Variants in RAB25 observed in about 807,000 individuals in gnomAD.
RAB25 encodes the protein ras-related protein Rab-25.
Under a neutral mutation model 25.2 loss-of-function variants are expected in RAB25, and 23 were observed. That is an observed-to-expected ratio of 0.91 (90% CI 0.66 to 1.29). RAB25 has a LOEUF of 1.29. Among genes scored for constraint, RAB25 ranks in the 50% most tolerant of loss-of-function variants. The pLI is 0.00. For synonymous variants in RAB25, 102 were observed against 111.5 expected, an observed-to-expected ratio of 0.91 and a Z score of 0.54; for missense variants, 244 against 277.3, an observed-to-expected ratio of 0.88 and a Z score of 0.85.
intron 2 of RAB25, among the ~76,000 whole-genome samples, chr1:156,066,965 G>T (rs1188229543): frequency 6.7e-6 from 1 of 149,632 alleles, no homozygotes; most frequent in Non-Finnish European, 1.5e-5. Context: ...GCTGGGCGCG[G>T]TAGCTCACAC....
intron 2 of RAB25, among the ~76,000 whole-genome samples, chr1:156,067,241 A>AG: frequency 1.3e-5 from 2 of 151,860 alleles, no homozygotes; most frequent in African/African-American, 4.8e-5. Context: ...CAAAAAAAAA[A>AG]AAAAAAGAAA....
intron 1 of RAB25, among the ~76,000 whole-genome samples, chr1:156,061,887 C>T (rs1167908213): frequency 6.6e-6 from 1 of 152,124 alleles, no homozygotes; most frequent in South Asian, 2.1e-4. Flanking sequence ...TGGGTTCAAG[C>T]GATTCTTCTG....
chr1:156,068,538 C>A (rs1287200969), intron 3 of RAB25, 75 bp downstream of exon 3: 2 of 1,458,940 alleles, frequency 1.4e-6, no homozygotes, highest in Non-Finnish European at 9.4e-7. Flanking sequence ...CCAGCCCCTG[C>A]CCCCACCCAT....
intron 2 of RAB25, 90 bp downstream of exon 2, chr1:156,066,196 A>C (rs1446505312): frequency 2.0e-5 from 22 of 1,084,040 alleles, no homozygotes; most frequent in East Asian, 3.3e-5. Flanking sequence ...AGGAGGAGGC[A>C]AGGGGGCTCA....
chr1:156,068,858 T>C (rs2102771859), intron 3 of RAB25, among the ~76,000 whole-genome samples: 1 of 151,630 alleles, frequency 6.6e-6, no homozygotes, highest in African/African-American at 2.4e-5. Context: ...CTGGCTAATT[T>C]TTGTATTTTT....
chr1:156,066,324 T>C, intron 2 of RAB25: 1 of 418,816 alleles, frequency 2.4e-6, no homozygotes, highest in Non-Finnish European at 4.2e-6. Context: ...CAGGAATCAT[T>C]GCCACTTACT....
At chr1:156,065,859 G>A in intron 1 of RAB25, 52 bp from the exon 2 acceptor site, 3 of 1,376,406 alleles carry the variant, frequency 2.2e-6, no homozygotes, top group Non-Finnish European at 2.9e-6. Flanking sequence ...AGCTCAGGTG[G>A]GGTTGGAGCT....
chr1:156,061,535 T>C (rs1049737822), intron 1 of RAB25, 92 bp downstream of exon 1: 23 of 1,342,634 alleles, frequency 1.7e-5, no homozygotes, highest in African/African-American at 4.3e-5. Context: ...TTTTTTTATC[T>C]CTTACCAAGA....
chr1:156,066,551 C>T (rs1308256697), intron 2 of RAB25, among the ~76,000 whole-genome samples: 3 of 152,190 alleles, frequency 2.0e-5, no homozygotes, highest in Non-Finnish European at 4.4e-5. Context: ...CAACTTTCAT[C>T]TAACCACAGA....
At position 156,065,758 on chromosome 1, in the gene RAB25, G is replaced by T. The variant is rs570382947; in HGVS notation, c.44-153G>T. On this transcript the variant is annotated intron_variant, in intron 1 of 4. Transcript: ENST00000361084. ...CTGCCCACCAGGACAGATGCATTATGCAGAGTTGCAGACTCCAGTCTCACA... is the reference window on the plus strand; with the variant it reads ...CTGCCCACCAGGACAGATGCATTATTCAGAGTTGCAGACTCCAGTCTCACA... Among the ~76,000 whole-genome samples, 5 of 152,254 alleles carry T rather than the reference G, an allele frequency of 3.3e-5. No individual in the cohort carries two copies. In the South Asian group the frequency reaches 1.0e-3, roughly 32 times the overall value.
Position 156,068,249 on chromosome 1 carries a change from A to T in RAB25, c.240-21A>T, listed in dbSNP as rs750929256. On this transcript the variant is annotated intron_variant, in intron 2 of 4. Transcript: ENST00000361084. ...AATGCCTCTGATCGTATCTCTGTCC[A>T]TCCTTCTCATTCCCACCCAGGTACT... The T allele has an allele frequency of 7.5e-6, 12 of 1,592,674 alleles. No homozygotes were observed. In the East Asian group the frequency reaches 2.7e-4, roughly 36 times the overall value.
chr1:156,069,652 G>T lies in RAB25; in HGVS notation c.434-19G>T, dbSNP rs773407896. ...GCCTTTGACTCCCACAATTAATGGTGTGTTTCCCTTCCTGGCAGAAAACAA... is the reference window on the plus strand; with the variant it reads ...GCCTTTGACTCCCACAATTAATGGTTTGTTTCCCTTCCTGGCAGAAAACAA... On this transcript the variant is annotated intron_variant, in intron 3 of 4. Transcript: ENST00000361084. 3.8e-6 allele frequency: 6 copies of T among 1,568,860 alleles called. No individual in the cohort carries two copies. Among genetic ancestry groups the T allele is most frequent in the African/African-American group, 1.4e-5 (1 of 73,880 alleles).
In RAB25 at chr1:156,061,458, C is replaced by T. The variant is rs899836401; in HGVS notation, c.43+15C>T. On this transcript the variant is annotated intron_variant, in intron 1 of 4. Transcript: ENST00000361084. ...TGTCTTCAAGGGTGAGTTGGGTTCCCTGAAGCAAGAGGAAGCCTGAGAGAC... is the reference window on the plus strand; with the variant it reads ...TGTCTTCAAGGGTGAGTTGGGTTCCTTGAAGCAAGAGGAAGCCTGAGAGAC... The T allele has an allele frequency of 1.9e-6, 3 of 1,613,080 alleles. No homozygotes were observed. The highest frequency in any genetic ancestry group is 2.7e-5 in the African/African-American group (2 of 74,890).
chr1:156,061,450 T>C lies in RAB25; in HGVS notation c.43+7T>C, dbSNP rs1647578394. The stretch of plus-strand genomic sequence containing the variant: ...TATAACTTTGTCTTCAAGGGTGAGT[T>C]GGGTTCCCTGAAGCAAGAGGAAGCC... On this transcript the variant is annotated splice_region_variant and intron_variant, in intron 1 of 4. Coordinates refer to ENST00000361084, the MANE Select transcript of RAB25 (RefSeq NM_020387.4). 6.2e-7 allele frequency: 1 copy of C among 1,613,570 alleles called. No individual in the cohort carries two copies. Among genetic ancestry groups the C allele is most frequent in the Non-Finnish European group, 8.5e-7 (1 of 1,179,680 alleles).
At chr1:156,065,811 TGAGCTCA>T in intron 1 of RAB25, 93 bp from the exon 2 acceptor site, 1 of 969,138 alleles carries the variant, frequency 1.0e-6, no homozygotes, top group South Asian at 2.2e-5. Flanking sequence ...ATCTTTTTTC[TGAGCTCA>T]GTTCCCTTTT....
At chr1:156,067,385 T>C (rs1173227573) in intron 2 of RAB25, among the ~76,000 whole-genome samples, 2 of 152,250 alleles carry the variant, frequency 1.3e-5, no homozygotes, top group African/African-American at 4.8e-5. Context: ...TGCTCCTCGT[T>C]ACCTGATCTC....
intron 2 of RAB25, among the ~76,000 whole-genome samples, chr1:156,066,618 A>G (rs1347865383): frequency 6.6e-6 from 1 of 152,088 alleles, no homozygotes; most frequent in African/African-American, 2.4e-5. Flanking sequence ...GACACACAGG[A>G]GGTTAGGCCT....
intron 1 of RAB25, among the ~76,000 whole-genome samples, chr1:156,064,150 G>T (rs1231457555): frequency 1.3e-5 from 2 of 151,720 alleles, no homozygotes; most frequent in African/African-American, 4.8e-5. Flanking sequence ...ACACACACAC[G>T]CATACACACA....
At chr1:156,067,794 C>T (rs534715373) in intron 2 of RAB25, among the ~76,000 whole-genome samples, 21 of 152,252 alleles carry the variant, frequency 1.4e-4, no homozygotes, top group South Asian at 1.2e-3. Flanking sequence ...CTCTTGTTGC[C>T]GAGGCTGGAG....
Sources: allele counts gnomAD v4.1 joint callset (sites outside exome capture counted in the v4.1 genomes callset), GRCh38; gene constraint gnomAD v4.1.1; transcripts MANE v1.5; gene names NCBI Gene and HGNC (gene_info 2026-07-23, HGNC 2026-07-21).